The following ZNF804B variants were observed in gnomAD, a reference collection of about 807,000 sequenced individuals.
ZNF804B encodes zinc finger 804B.
Under a neutral mutation model 101.4 loss-of-function variants are expected in ZNF804B, and 80 were observed. The observed-to-expected ratio is 0.79, with a 90% CI of 0.66 to 0.95. The LOEUF (loss-of-function observed/expected upper bound fraction) is 0.95. Among genes scored for constraint, ZNF804B ranks in the 40% least tolerant of loss-of-function variants. The probability of loss-of-function intolerance (pLI) is 0.00; values close to 1 mark genes in which losing one functional copy is unlikely to be tolerated. For missense variants in ZNF804B, 1,673 were observed against 1,561.9 expected, an observed-to-expected ratio of 1.07 and a Z score of -1.20; for synonymous variants, 622 against 558.8, an observed-to-expected ratio of 1.11 and a Z score of -1.59.
chr7:88,937,277 G>A (rs1235124247), intron 1 of ZNF804B, among the ~76,000 whole-genome samples: 1 of 152,072 alleles, frequency 6.6e-6, no homozygotes, highest in African/African-American at 2.4e-5. Context: ...CCGGCAACAG[G>A]ACTGTAGGCT....
rs553149435 is a variant in ZNF804B, at chr7:89,155,125, G to T, written c.109-63030G>T. ...CTAGAGTCACCGGCTCCACCCTGAT[G>T]CTTTCAAAAACTACCTATTTGTTGA... On this transcript the variant is annotated intron_variant, in intron 1 of 3. Transcript: ENST00000333190. Among the ~76,000 whole-genome samples the T allele has an allele frequency of 8.0e-4, 121 of 152,120 alleles. 1 individual carries two copies. The highest frequency in any genetic ancestry group is 2.8e-3 in the African/African-American group (116 of 41,498).
At chr7:88,900,402 A>T (rs933908890) in intron 1 of ZNF804B, among the ~76,000 whole-genome samples, 1 of 151,866 alleles carries the variant, frequency 6.6e-6, no homozygotes, top group Non-Finnish European at 1.5e-5. Context: ...AGCATGTAGA[A>T]CAAAATATAT....
chr7:88,774,002 C>T (rs1266465339), intron 1 of ZNF804B, among the ~76,000 whole-genome samples: 2 of 151,908 alleles, frequency 1.3e-5, no homozygotes, highest in Non-Finnish European at 2.9e-5. Flanking sequence ...AGTGACCAAA[C>T]TCCTTTGGAT....
intron 2 of ZNF804B, among the ~76,000 whole-genome samples, chr7:89,285,858 G>T (rs1790189009): frequency 1.3e-5 from 2 of 152,116 alleles, no homozygotes; most frequent in African/African-American, 4.8e-5. Context: ...AAGAAAACCT[G>T]GACAAAGCCT....
intron 1 of ZNF804B, among the ~76,000 whole-genome samples, chr7:88,993,111 T>A: frequency 6.6e-6 from 1 of 152,022 alleles, no homozygotes. Flanking sequence ...TTGGTATTCT[T>A]TATATATATG....
At chr7:88,837,472 A>G (rs1372209933) in intron 1 of ZNF804B, among the ~76,000 whole-genome samples, 1 of 151,978 alleles carries the variant, frequency 6.6e-6, no homozygotes, top group Non-Finnish European at 1.5e-5. Flanking sequence ...AGAACTGCAT[A>G]ACTCAGTGAA....
At chr7:89,067,233 C>T (rs138950767) in intron 1 of ZNF804B, among the ~76,000 whole-genome samples, 27 of 152,158 alleles carry the variant, frequency 1.8e-4, no homozygotes, top group African/African-American at 6.0e-4. Flanking sequence ...ATCAACAGGG[C>T]AGGTGGTTAG....
chr7:89,242,909 T>C (rs2115767536), intron 2 of ZNF804B, among the ~76,000 whole-genome samples: 1 of 151,966 alleles, frequency 6.6e-6, no homozygotes, highest in African/African-American at 2.4e-5. Context: ...AGCAGTGCTG[T>C]AGGAGGAAAA....
chr7:88,911,538 A>T (rs1792550886), intron 1 of ZNF804B, among the ~76,000 whole-genome samples: 1 of 150,482 alleles, frequency 6.6e-6, no homozygotes, highest in Non-Finnish European at 1.5e-5. Flanking sequence ...ACTTCTTTTC[A>T]CCTAATATAT....
chr7:89,110,407 C>T (rs572847819), intron 1 of ZNF804B, among the ~76,000 whole-genome samples: 9 of 152,110 alleles, frequency 5.9e-5, no homozygotes, highest in Middle Eastern at 3.4e-3. Flanking sequence ...GTTGAATGAA[C>T]CAAAGTCAAG....
rs372474877 is a variant in ZNF804B at position 89,018,829 on chromosome 7, A to G, written c.109-199326A>G. Among the ~76,000 whole-genome samples, 26 of 152,086 alleles carry G rather than the reference A, an allele frequency of 1.7e-4. No individual in the cohort carries two copies. The East Asian group carries it at 4.6e-3, about 27-fold the overall frequency. Reference sequence around the variant, plus strand: ...TAATAACCTCTTGCACTCCTGTTCTATCAGTTGTAATGTCTCCTGTTTTAT... The same window carrying G: ...TAATAACCTCTTGCACTCCTGTTCTGTCAGTTGTAATGTCTCCTGTTTTAT... On this transcript the variant is annotated intron_variant, in intron 1 of 3. Transcript: ENST00000333190.
chr7:89,130,815 C>A (rs17166931), intron 1 of ZNF804B, among the ~76,000 whole-genome samples: 4 of 151,736 alleles, frequency 2.6e-5, no homozygotes, highest in Admixed American at 2.6e-4. Flanking sequence ...GATTTTTATA[C>A]CAAGGTAGAG....
chr7:89,311,493 T>G (rs972778277), intron 2 of ZNF804B, among the ~76,000 whole-genome samples: 2 of 152,202 alleles, frequency 1.3e-5, no homozygotes, highest in African/African-American at 4.8e-5. Flanking sequence ...TTCTGAAGCC[T>G]TATTAGTAAA....
Position 89,219,401 on chromosome 7 carries a change from A to G in ZNF804B, c.249+1106A>G, listed in dbSNP as rs116751572. ...TAAATGAAACATTGAAAACAGGCAA[A>G]CAAAAAATCCAAAAGGGAAAAGCCT... On this transcript the variant is annotated intron_variant, in intron 2 of 3. Coordinates refer to ENST00000333190, the MANE Select transcript of ZNF804B (RefSeq NM_181646.5). 3.1e-3 allele frequency among the ~76,000 whole-genome samples: 468 copies of G among 152,044 alleles called. 14 individuals are homozygous for G. The highest frequency in any genetic ancestry group is 0.011 in the African/African-American group (436 of 41,398).
intron 2 of ZNF804B, among the ~76,000 whole-genome samples, chr7:89,316,754 A>C (rs533008823): frequency 6.6e-6 from 1 of 152,162 alleles, no homozygotes; most frequent in Admixed American, 6.6e-5. Context: ...GCAAGTCTGC[A>C]CTCATCCACA....
Position 89,336,207 on chromosome 7 carries a change from T to C in ZNF804B, c.3225T>C (p.Gly1075=), listed in dbSNP as rs1791083989. 6.2e-7 allele frequency: 1 copy of C among 1,613,782 alleles called. No homozygotes were observed. The highest frequency in any genetic ancestry group is 1.7e-5 in the Admixed American group (1 of 59,934). The part of the protein sequence containing the change: ...SCDPVPNEFP[G]AFPSNKYTGV... ...ACCCAGTACCAAATGAATTCCCTGG[T>C]GCTTTTCCGTCTAATAAATATACTG... Residue 1075 remains glycine (G), a synonymous_variant, in exon 4 of 4, where the codon GGT becomes GGC. Transcript: ENST00000333190.
intron 2 of ZNF804B, among the ~76,000 whole-genome samples, chr7:89,278,959 G>T (rs1010221660): frequency 4.6e-5 from 7 of 151,910 alleles, no homozygotes; most frequent in African/African-American, 1.7e-4. Flanking sequence ...CCATTTTCAC[G>T]ATATTGATTC....
chr7:89,196,192 A>C lies in ZNF804B; in HGVS notation c.109-21963A>C, dbSNP rs142925004. Among the ~76,000 whole-genome samples the C allele has an allele frequency of 3.4e-3, 516 of 150,978 alleles. 3 individuals carry two copies. Among genetic ancestry groups the C allele is most frequent in the African/African-American group, 0.012 (491 of 41,396 alleles). ...ACAATAACCAAAAGAGCATGATACC[A>C]GTATTAAAACAGACCCATAGGCCAA... On this transcript the variant is annotated intron_variant, in intron 1 of 3. Transcript: ENST00000333190.
At chr7:89,158,687 A>G (rs960208643) in intron 1 of ZNF804B, among the ~76,000 whole-genome samples, 25 of 152,202 alleles carry the variant, frequency 1.6e-4, no homozygotes, top group Non-Finnish European at 3.1e-4. Context: ...TATGACCCCA[A>G]ACTATTTTCC....
Sources: allele counts gnomAD v4.1 joint callset (sites outside exome capture counted in the v4.1 genomes callset), GRCh38; gene constraint gnomAD v4.1.1; transcripts MANE v1.5; gene names NCBI Gene and HGNC (gene_info 2026-07-23, HGNC 2026-07-21).